CHL1: variants seen among roughly 807,000 people sequenced by gnomAD.
CHL1 encodes the protein neural cell adhesion molecule L1-like protein.
Under a neutral mutation model 141.9 loss-of-function variants are expected in CHL1, and 96 were observed. The ratio of observed to expected loss-of-function variants is 0.68; its 90% confidence interval spans 0.57 to 0.80. The LOEUF (loss-of-function observed/expected upper bound fraction) is 0.80. Among genes scored for constraint, CHL1 ranks in the 30% least tolerant of loss-of-function variants. CHL1 has a pLI of 0.00. For missense variants in CHL1, 1,820 were observed against 1,457.2 expected (o/e 1.25, Z -4.05); for synonymous variants, 613 against 502.2 (o/e 1.22, Z -2.95).
Position 391,009 on chromosome 3 carries a change from G to A in CHL1, c.2641G>A (p.Val881Met). ...GGATGGAAGAACACATCCCAAAGAA[G>A]TGAACATTCTAAGATTTTCAGGACA... ...LLDGRTHPKE[V>M]NILRFSGQRN... The change falls in exon 22 of 28, where the codon GTG becomes ATG. Residue 881 changes from valine to methionine, a missense_variant. Val to Met is a conservative substitution (Grantham distance 21). Transcript: ENST00000256509. 1 of 1,614,186 alleles carries A rather than the reference G, an allele frequency of 6.2e-7. No homozygotes were observed. The highest frequency in any genetic ancestry group is 8.5e-7 in the Non-Finnish European group (1 of 1,179,992).
intron 2 of CHL1, among the ~76,000 whole-genome samples, chr3:246,066 T>C (rs1299539001): frequency 6.6e-6 from 1 of 152,140 alleles, no homozygotes; most frequent in Non-Finnish European, 1.5e-5. Flanking sequence ...CCTTTGATGA[T>C]GATTGTGTGG....
In CHL1 at chr3:204,751, G is replaced by A. The variant is rs557416239; in HGVS notation, c.-175+7688G>A. Among the ~76,000 whole-genome samples the A allele has an allele frequency of 6.6e-5, 10 of 152,192 alleles. No homozygotes were observed. In the East Asian group the frequency reaches 1.9e-3, roughly 29 times the overall value. ...ACTGACCTTTTCCAAGACTGATACTGGATGCTGCATTTCCATCCTTTCAGA... is the reference window on the plus strand; with the variant it reads ...ACTGACCTTTTCCAAGACTGATACTAGATGCTGCATTTCCATCCTTTCAGA... On this transcript the variant is annotated intron_variant, in intron 1 of 27. Coordinates refer to ENST00000256509, the MANE Select transcript of CHL1 (RefSeq NM_006614.4).
intron 4 of CHL1, 66 bp from the exon 5 acceptor site, chr3:328,101 G>T (rs1575078442): frequency 8.1e-7 from 1 of 1,242,232 alleles, no homozygotes; most frequent in Non-Finnish European, 1.1e-6. Flanking sequence ...TTATGCAATT[G>T]TTAATAAGTA....
At chr3:393,583 T>C (rs1015971825) in intron 23 of CHL1, among the ~76,000 whole-genome samples, 1 of 152,040 alleles carries the variant, frequency 6.6e-6, no homozygotes, top group East Asian at 1.9e-4. Flanking sequence ...TATATAATTA[T>C]TTTGCTTTCT....
At chr3:399,985 T>G (rs1390054569) in intron 26 of CHL1, among the ~76,000 whole-genome samples, 2 of 152,238 alleles carry the variant, frequency 1.3e-5, no homozygotes, top group Non-Finnish European at 2.9e-5. Context: ...CCATCATAGT[T>G]GGTAATATGA....
intron 2 of CHL1, chr3:248,285 A>T (rs933012034): frequency 6.6e-6 from 1 of 152,094 alleles, no homozygotes; most frequent in Admixed American, 6.6e-5. Flanking sequence ...CTCCGAAGGG[A>T]AGCTGAGGTA....
rs191449042 is a variant in CHL1 at position 324,490 on chromosome 3, A to C, written c.92-1469A>C. Among the ~76,000 whole-genome samples the C allele has an allele frequency of 4.3e-4, 66 of 152,156 alleles. 1 individual carries two copies. The highest frequency in any genetic ancestry group is 1.6e-3 in the African/African-American group (66 of 41,532). Reference sequence around the variant, plus strand: ...TTACACACTTCATGATCTATGTTTTATTTCAAAGCTTAATCCAAGTTGTAT... The same window carrying C: ...TTACACACTTCATGATCTATGTTTTCTTTCAAAGCTTAATCCAAGTTGTAT... On this transcript the variant is annotated intron_variant, in intron 3 of 27. Coordinates refer to ENST00000256509, the MANE Select transcript of CHL1 (RefSeq NM_006614.4).
chr3:273,213 C>CG (rs1269219877), intron 2 of CHL1, among the ~76,000 whole-genome samples: 12 of 152,250 alleles, frequency 7.9e-5, no homozygotes, highest in South Asian at 2.1e-4. Context: ...GTGTTGTTGG[C>CG]ATCAGTGAGT....
At chr3:203,889 G>A (rs6806980) in intron 1 of CHL1, among the ~76,000 whole-genome samples, 143,899 of 152,276 alleles carry the variant, frequency 0.94, 68,347 homozygotes, top group East Asian at 1. Flanking sequence ...TGGGAAGTAC[G>A]TGAGGAATAC....
intron 6 of CHL1, 49 bp downstream of exon 6, chr3:340,965 C>G: frequency 6.5e-7 from 1 of 1,541,020 alleles, no homozygotes; most frequent in Non-Finnish European, 8.9e-7. Context: ...TTAATTCTAT[C>G]CATCATATCA....
rs549421843 is a variant in CHL1, at chr3:324,539, T to C, written c.92-1420T>C. The stretch of plus-strand genomic sequence containing the variant: ...ATTTCCAGCATTAGTAAATTTATTT[T>C]ATAGTTGTAATTCTCAGAAATGTAA... On this transcript the variant is annotated intron_variant, in intron 3 of 27. Coordinates refer to ENST00000256509, the MANE Select transcript of CHL1 (RefSeq NM_006614.4). Among the ~76,000 whole-genome samples the C allele has an allele frequency of 3.3e-5, 5 of 152,194 alleles. No homozygotes were observed. The South Asian group carries it at 6.2e-4, about 19-fold the overall frequency.
intron 2 of CHL1, among the ~76,000 whole-genome samples, chr3:301,352 A>T (rs1222997987): frequency 2.0e-5 from 3 of 152,224 alleles, no homozygotes; most frequent in African/African-American, 7.2e-5. Flanking sequence ...TGGCTGTACC[A>T]AAAATATATA....
At chr3:329,130 T>C (rs1031840687) in intron 5 of CHL1, among the ~76,000 whole-genome samples, 1 of 152,252 alleles carries the variant, frequency 6.6e-6, no homozygotes, top group Admixed American at 6.5e-5. Flanking sequence ...GGGATATCCA[T>C]GACCACCTTT....
intron 2 of CHL1, among the ~76,000 whole-genome samples, chr3:258,419 C>T (rs1362314448): frequency 1.3e-5 from 2 of 152,174 alleles, no homozygotes; most frequent in Non-Finnish European, 2.9e-5. Flanking sequence ...GCTTTCAAGT[C>T]CAAGCTTGGA....
Position 406,037 on chromosome 3 carries a change from G to T in CHL1, c.*326G>T. 4.0e-6 allele frequency: 1 copy of T among 251,206 alleles called. No individual in the cohort carries two copies. Among genetic ancestry groups the T allele is most frequent in the African/African-American group, 2.3e-5 (1 of 43,908 alleles). The allele number at this position is 251,206 out of a possible 1,614,324, so 15.6% of individuals were successfully genotyped here. A position where few individuals can be genotyped will look rare whatever the true frequency, so the allele number is the denominator to read the frequency against. ...TTTGCCTGATTTTACTATTCGGTGT[G>T]TTTGCATAGATGTTGCTACTTGGTG... On this transcript the variant is annotated 3_prime_UTR_variant, in exon 28 of 28. Transcript: ENST00000256509.
intron 25 of CHL1, among the ~76,000 whole-genome samples, 169 bp from the exon 26 acceptor site, chr3:398,848 A>G (rs1475498397): frequency 6.6e-6 from 1 of 152,204 alleles, no homozygotes; most frequent in African/African-American, 2.4e-5. Flanking sequence ...GGAAAGATTT[A>G]CCAGTATTCT....
chr3:333,124 A>ATTGTTTTTTTTTTTTTTTTTTT (rs1701576115), intron 5 of CHL1, among the ~76,000 whole-genome samples: 1 of 83,310 alleles, frequency 1.2e-5, no homozygotes, highest in Non-Finnish European at 2.1e-5. Context: ...TAATTGCTCT[A>ATTGTTTTTTTTTTTTTTTTTTT]TTTTTTTTAT....
intron 19 of CHL1, among the ~76,000 whole-genome samples, chr3:388,871 T>A (rs937563925): frequency 6.6e-6 from 1 of 152,228 alleles, no homozygotes; most frequent in African/African-American, 2.4e-5. Context: ...GCCATATTAT[T>A]TTTTATTTCA....
At chr3:309,657 G>A (rs332449) in intron 2 of CHL1, among the ~76,000 whole-genome samples, 25,172 of 151,656 alleles carry the variant, frequency 0.17, 3,010 homozygotes, top group African/African-American at 0.33. Context: ...GTATAGGCAC[G>A]TACCCTATGC....
Sources: allele counts gnomAD v4.1 joint callset (sites outside exome capture counted in the v4.1 genomes callset), GRCh38; gene constraint gnomAD v4.1.1; transcripts MANE v1.5; gene names NCBI Gene and HGNC (gene_info 2026-07-23, HGNC 2026-07-21).